Variants in SORL1 observed in about 807,000 individuals in gnomAD.
SORL1 encodes the protein sortilin related receptor 1.
A neutral mutation model predicts 273.7 loss-of-function variants in SORL1; 127 were observed. The observed-to-expected ratio is 0.46, with a 90% CI of 0.40 to 0.54. The LOEUF (loss-of-function observed/expected upper bound fraction) is 0.54, where lower values mean the gene tolerates loss of function less well. SORL1 is among the 20% of genes least tolerant of loss of function. The pLI is 0.00. For synonymous variants in SORL1, 1,031 were observed against 1,067.4 expected (o/e 0.97, Z 0.66); for missense variants, 2,494 against 2,846.1 (o/e 0.88, Z 2.81).
intron 8 of SORL1, among the ~76,000 whole-genome samples, chr11:121,520,108 C>T (rs1862017645): frequency 6.6e-6 from 1 of 152,226 alleles, no homozygotes; most frequent in East Asian, 1.9e-4. Flanking sequence ...AAAAAATTAG[C>T]TGGGCATAGT....
rs1862606025 is a variant in SORL1 at position 121,557,389 on chromosome 11, C to T, written c.2647C>T (p.Leu883Phe). ...GCTTGATCGTCCCAGGGCTCTGGTCCTCGTGCCCCAAGAGGGGTAAGTGTT... is the reference window on the plus strand; with the variant it reads ...GCTTGATCGTCCCAGGGCTCTGGTCTTCGTGCCCCAAGAGGGGTAAGTGTT... ...SVLDRPRALV[L>F]VPQEGVMFWT... Residue 883 changes from leucine (L) to phenylalanine (F), a missense_variant, in exon 19 of 48, where the codon CTC becomes TTC. Coordinates refer to ENST00000260197, the MANE Select transcript of SORL1 (RefSeq NM_003105.6). 6.2e-7 allele frequency: 1 copy of T among 1,613,934 alleles called. No homozygotes were observed. Among genetic ancestry groups the T allele is most frequent in the South Asian group, 1.1e-5 (1 of 91,074 alleles).
At position 121,607,209 on chromosome 11, in the gene SORL1, C is replaced by T; in HGVS notation, c.5085C>T (p.Ser1695=). 1.2e-6 allele frequency: 2 copies of T among 1,611,314 alleles called. No individual in the cohort carries two copies. Among genetic ancestry groups the T allele is most frequent in the Non-Finnish European group, 1.7e-6 (2 of 1,177,486 alleles). The part of the protein sequence containing the change: ...EYIVEYSRSG[S]KMWASQRAAS... ...AGGTAGAATACAGCAGGAGTGGTTC[C>T]AAGATGTGGGCCTCCCAGAGGGCTG... The change falls in exon 37 of 48, where the codon TCC becomes TCT. Residue 1695 remains serine (S), a synonymous_variant. Transcript: ENST00000260197.
At chr11:121,455,853 C>T (rs540603740) in intron 1 of SORL1, among the ~76,000 whole-genome samples, 47 of 152,238 alleles carry the variant, frequency 3.1e-4, no homozygotes, top group African/African-American at 9.9e-4. Flanking sequence ...ATTCACTGGG[C>T]GTGGTGGCAG....
chr11:121,553,905 C>G, intron 16 of SORL1, 32 bp from the exon 17 acceptor site: 3 of 1,598,236 alleles, frequency 1.9e-6, no homozygotes, highest in Non-Finnish European at 2.6e-6. Context: ...TCCCCTGGGT[C>G]CAACCTCCCA....
At chr11:121,590,451 C>A in intron 30 of SORL1, 1 of 494,820 alleles carries the variant, frequency 2.0e-6, no homozygotes, top group Non-Finnish European at 3.6e-6. Context: ...GCATCTGCAT[C>A]TCCTTGGAAC....
At chr11:121,553,881 G>A in intron 16 of SORL1, 56 bp from the exon 17 acceptor site, 2 of 1,539,634 alleles carry the variant, frequency 1.3e-6, no homozygotes, top group Non-Finnish European at 1.8e-6. Flanking sequence ...AGATGTGCTA[G>A]GACCTCTTCA....
At chr11:121,534,685 C>T (rs1016727284) in intron 12 of SORL1, among the ~76,000 whole-genome samples, 1 of 152,194 alleles carries the variant, frequency 6.6e-6, no homozygotes, top group African/African-American at 2.4e-5. Flanking sequence ...TGCTTCTTCC[C>T]CTGCTGCTCT....
In SORL1 at chr11:121,536,155, T is replaced by C. The variant is rs375034508; in HGVS notation, c.1685+3603T>C. Among the ~76,000 whole-genome samples, 3 of 152,226 alleles carry C rather than the reference T, an allele frequency of 2.0e-5. No individual in the cohort carries two copies. In the South Asian group the frequency reaches 6.2e-4, roughly 32 times the overall value. On this transcript the variant is annotated intron_variant, in intron 12 of 47. Transcript: ENST00000260197. The stretch of plus-strand genomic sequence containing the variant: ...GAACTTGCCCCAAAGCATCTTTTTT[T>C]TCTAAGACATCCAATTTCATAGGGG...
chr11:121,607,147 T>C (rs1447170348), intron 36 of SORL1, 39 bp from the exon 37 acceptor site: 2 of 1,321,746 alleles, frequency 1.5e-6, no homozygotes, highest in African/African-American at 1.4e-5. Flanking sequence ...CCTGGACCTT[T>C]GGTTCCCTTT....
chr11:121,536,059 C>G (rs1181832380), intron 12 of SORL1, among the ~76,000 whole-genome samples: 2 of 152,208 alleles, frequency 1.3e-5, no homozygotes, highest in African/African-American at 4.8e-5. Flanking sequence ...AAGAGAAGAT[C>G]AATTTCTGTT....
intron 6 of SORL1, among the ~76,000 whole-genome samples, chr11:121,502,275 A>G (rs1861722240): frequency 6.6e-6 from 1 of 151,452 alleles, no homozygotes; most frequent in South Asian, 2.1e-4. Context: ...AGCTGGGACT[A>G]CAGGTGCCCG....
At chr11:121,467,490 G>A (rs773701585) in intron 1 of SORL1, among the ~76,000 whole-genome samples, 3 of 152,174 alleles carry the variant, frequency 2.0e-5, no homozygotes, top group Non-Finnish European at 4.4e-5. Flanking sequence ...GGATGCCCAA[G>A]TTGAATATTT....
chr11:121,470,711 G>A (rs552920373), intron 2 of SORL1, among the ~76,000 whole-genome samples: 4 of 152,008 alleles, frequency 2.6e-5, no homozygotes, highest in Admixed American at 2.6e-4. Context: ...GTCTGGCTCT[G>A]TTACCCAGGT....
chr11:121,561,036 G>A (rs1438508988), intron 21 of SORL1, among the ~76,000 whole-genome samples: 1 of 152,192 alleles, frequency 6.6e-6, no homozygotes, highest in Non-Finnish European at 1.5e-5. Context: ...TTTGTTTAAT[G>A]GAGGACATCC....
chr11:121,594,834 G>C (rs572526680), intron 31 of SORL1, among the ~76,000 whole-genome samples: 2 of 152,258 alleles, frequency 1.3e-5, no homozygotes, highest in East Asian at 3.9e-4. Flanking sequence ...CAACTTCGAG[G>C]TTCATGGCTG....
intron 24 of SORL1, among the ~76,000 whole-genome samples, 191 bp downstream of exon 24, chr11:121,574,554 G>A (rs552184060): frequency 1.3e-5 from 2 of 152,190 alleles, no homozygotes; most frequent in Non-Finnish European, 2.9e-5. Context: ...GAGTTTGTTT[G>A]CTGCTTTTCA....
At chr11:121,623,600 C>T (rs983675023) in intron 45 of SORL1, among the ~76,000 whole-genome samples, 7 of 152,214 alleles carry the variant, frequency 4.6e-5, no homozygotes, top group Non-Finnish European at 7.3e-5. Flanking sequence ...AAATGATCGA[C>T]ACCAGATATC....
rs1863719314 is a variant in SORL1, at chr11:121,621,204, C to T, written c.6030C>T (p.Asn2010=). The part of the protein sequence containing the change: ...GKYHIIVQLG[N]MSKDSSIKIT... ...ACCACATCATTGTCCAACTGGGGAA[C>T]ATGAGCAAAGATTCCAGCATAAAAA... The change falls in exon 44 of 48, where the codon AAC becomes AAT. Residue 2010 remains asparagine, a synonymous_variant. Coordinates refer to ENST00000260197, the MANE Select transcript of SORL1 (RefSeq NM_003105.6). 1.2e-6 allele frequency: 2 copies of T among 1,613,996 alleles called. No homozygotes were observed. The highest frequency in any genetic ancestry group is 2.7e-5 in the African/African-American group (2 of 74,932).
At chr11:121,494,560 G>A (rs1176298143) in intron 5 of SORL1, among the ~76,000 whole-genome samples, 1 of 152,182 alleles carries the variant, frequency 6.6e-6, no homozygotes, top group Admixed American at 6.5e-5. Flanking sequence ...ATAGAGCAAG[G>A]ATTGGAATTT....
Sources: gnomAD v4.1 joint callset for allele counts (sites outside exome capture counted in the v4.1 genomes callset) on GRCh38, gnomAD v4.1.1 for gene constraint, MANE v1.5 for transcripts, NCBI Gene and HGNC (gene_info 2026-07-23, HGNC 2026-07-21) for gene names.